Variants in ADGRG5 observed in about 807,000 individuals in gnomAD.
ADGRG5 encodes the protein adhesion G protein-coupled receptor G5.
In ADGRG5, 37 loss-of-function variants were observed where a neutral mutation model predicts 53.2. That is an observed-to-expected ratio of 0.70 (90% confidence interval 0.53 to 0.91). The LOEUF is 0.91. Among genes scored for constraint, ADGRG5 ranks in the 40% least tolerant of loss-of-function variants. The pLI, the probability that ADGRG5 is intolerant of heterozygous loss-of-function variation, is 0.00. For synonymous variants in ADGRG5, 277 were observed against 290.4 expected, an observed-to-expected ratio of 0.95 and a Z score of 0.47; for missense variants, 614 against 675.8, an observed-to-expected ratio of 0.91 and a Z score of 1.01.
intron 11 of ADGRG5, 30 bp downstream of exon 11, chr16:57,575,122 T>C (rs1448228644): frequency 6.3e-7 from 1 of 1,592,176 alleles, no homozygotes; most frequent in South Asian, 1.2e-5. Flanking sequence ...TGGAGGAAGC[T>C]ACCTGGCAGG....
chr16:57,567,836 G>T lies in ADGRG5; in HGVS notation c.822-20G>T. 6.2e-7 allele frequency: 1 copy of T among 1,600,062 alleles called. No homozygotes were observed. Among genetic ancestry groups the T allele is most frequent in the South Asian group, 1.1e-5 (1 of 90,278 alleles). On this transcript the variant is annotated intron_variant, in intron 8 of 11. Coordinates refer to ENST00000349457, the MANE Select transcript of ADGRG5 (RefSeq NM_001304376.3). ...TGGGTGATGTCCCTGGGCCATGGAG[G>T]ACCATTCTCTCACCTGCAGGAAGCA...
chr16:57,563,357 C>A, intron 4 of ADGRG5, 110 bp downstream of exon 4: 1 of 937,278 alleles, frequency 1.1e-6, no homozygotes, highest in Non-Finnish European at 1.7e-6. Flanking sequence ...CCCCACACCC[C>A]ACAGTCCAGG....
In ADGRG5 at chr16:57,574,319, G is replaced by A. The variant is rs987263456; in HGVS notation, c.1209-496G>A. ...GTTGGCAGCCCGCCCACTCTCCAGC[G>A]CAGGCCTTGGTGGCCCCGTCTAGGT... On this transcript the variant is annotated intron_variant, in intron 10 of 11. Transcript: ENST00000349457. The surrounding 1 kb of genome is among the most constrained non-coding windows in gnomAD (Gnocchi z 4.4). Among the ~76,000 whole-genome samples the A allele has an allele frequency of 3.3e-5, 5 of 152,206 alleles. No individual in the cohort carries two copies. The highest frequency in any genetic ancestry group is 1.9e-4 in the East Asian group (1 of 5,188).
intron 5 of ADGRG5, 40 bp downstream of exon 5, chr16:57,564,019 C>G: frequency 6.3e-7 from 1 of 1,591,522 alleles, no homozygotes; most frequent in Non-Finnish European, 8.6e-7. Context: ...GGTGCCGGCC[C>G]CTTCTTGGGA....
upstream of ADGRG5, among the ~76,000 whole-genome samples, chr16:57,540,100 G>A (rs1194200600): frequency 6.6e-6 from 1 of 152,040 alleles, no homozygotes; most frequent in African/African-American, 2.4e-5. Flanking sequence ...AAAATTCGCT[G>A]GGCGTGGTGG....
At chr16:57,533,826 C>T in the ADGRG5 span, among the ~76,000 whole-genome samples, 2 of 152,302 alleles carry the variant, frequency 1.3e-5, no homozygotes, top group African/African-American at 4.8e-5. Context: ...GGCTTACAGT[C>T]GTGGAGATGC....
At chr16:57,535,809 C>A in the ADGRG5 span, among the ~76,000 whole-genome samples, 2 of 152,200 alleles carry the variant, frequency 1.3e-5, no homozygotes, top group African/African-American at 4.8e-5. Context: ...GATTCCTGAA[C>A]GCTCTAACAG....
chr16:57,557,706 C>T (rs1284756664), intron 1 of ADGRG5, among the ~76,000 whole-genome samples: 1 of 152,192 alleles, frequency 6.6e-6, no homozygotes, highest in African/African-American at 2.4e-5. Context: ...TTATATTACA[C>T]TATCATCAAG....
chr16:57,563,833 T>G lies in ADGRG5; in HGVS notation c.298-15T>G. On this transcript the variant is annotated splice_polypyrimidine_tract_variant and intron_variant, in intron 4 of 11. Transcript: ENST00000349457. ...GGTCCTGGTTGCCAAACAGCCTGTT[T>G]GCGACCCTCTGCAGGCAGGAGGTCA... The G allele has an allele frequency of 6.2e-7, 1 of 1,613,056 alleles. No individual in the cohort carries two copies. Among genetic ancestry groups the G allele is most frequent in the Non-Finnish European group, 8.5e-7 (1 of 1,179,914 alleles).
chr16:57,575,372 C>T, intron 11 of ADGRG5, 66 bp from the exon 12 acceptor site: 1 of 1,476,398 alleles, frequency 6.8e-7, no homozygotes, highest in Non-Finnish European at 9.4e-7. Context: ...CTCGCTGCAG[C>T]CAAGGAGACC....
intron 4 of ADGRG5, among the ~76,000 whole-genome samples, 186 bp downstream of exon 4, chr16:57,563,433 G>A (rs1487549309): frequency 6.6e-6 from 1 of 152,270 alleles, no homozygotes; most frequent in East Asian, 1.9e-4. Flanking sequence ...TGTGTGAACT[G>A]TGGAAAGGGA....
At chr16:57,530,114 T>A in the ADGRG5 span, among the ~76,000 whole-genome samples, 1 of 152,072 alleles carries the variant, frequency 6.6e-6, no homozygotes, top group Admixed American at 6.5e-5. Flanking sequence ...AACAAACCAG[T>A]CCTCAGATGG....
intron 1 of ADGRG5, among the ~76,000 whole-genome samples, 165 bp from the exon 2 acceptor site, chr16:57,561,891 G>A (rs1175880278): frequency 6.6e-6 from 1 of 152,226 alleles, no homozygotes; most frequent in African/African-American, 2.4e-5. Flanking sequence ...GCAGGTTTAA[G>A]TAAAGCAAGA....
At chr16:57,563,570 G>A (rs1470265983) in intron 4 of ADGRG5, among the ~76,000 whole-genome samples, 2 of 152,246 alleles carry the variant, frequency 1.3e-5, no homozygotes, top group African/African-American at 4.8e-5. Context: ...TGATCAGCTG[G>A]ATCCCTGGCA....
the ADGRG5 span, among the ~76,000 whole-genome samples, chr16:57,529,767 A>G: frequency 6.6e-6 from 1 of 152,172 alleles, no homozygotes; most frequent in Non-Finnish European, 1.5e-5. This position sits in a 1 kb window ranked among gnomAD's most constrained non-coding sequence, Gnocchi z 4.1. Context: ...ACTTCAGGCC[A>G]GGTCCATCAG....
At chr16:57,546,365 A>T (rs1256775833) in intron 1 of ADGRG5, among the ~76,000 whole-genome samples, 1 of 152,146 alleles carries the variant, frequency 6.6e-6, no homozygotes, top group East Asian at 1.9e-4. Context: ...AGCTCAAATG[A>T]TCCTCCTGCC....
chr16:57,563,344 C>A, intron 4 of ADGRG5, 97 bp downstream of exon 4: 1 of 1,042,112 alleles, frequency 9.6e-7, no homozygotes, highest in South Asian at 1.3e-5. Flanking sequence ...CCACTGTCTT[C>A]CTCCCCACAC....
At chr16:57,542,594 G>T (rs1363012416), upstream of ADGRG5, 1 of 152,384 alleles carries the variant, frequency 6.6e-6, no homozygotes, top group African/African-American at 2.4e-5. Flanking sequence ...CAGGTGTGGG[G>T]CAAAGGGAGA....
At chr16:57,569,342 C>T (rs1426532887) in intron 9 of ADGRG5, among the ~76,000 whole-genome samples, 2 of 149,160 alleles carry the variant, frequency 1.3e-5, no homozygotes, top group African/African-American at 5.0e-5. Flanking sequence ...ACCACCACCT[C>T]CACCTCCATC....
Sources: gnomAD v4.1 joint callset for allele counts (sites outside exome capture counted in the v4.1 genomes callset) on GRCh38, gnomAD v4.1.1 for gene constraint, Gnocchi (gnomAD v3.1) non-coding constraint, MANE v1.5 for transcripts, NCBI Gene and HGNC (gene_info 2026-07-23, HGNC 2026-07-21) for gene names.